The following MCM10 variants were observed in gnomAD, a reference collection of about 807,000 sequenced individuals.
The protein encoded by MCM10 is protein MCM10 homolog.
A neutral mutation model predicts 109.9 loss-of-function variants in MCM10; 91 were observed. The ratio of observed to expected loss-of-function variants is 0.83; its 90% CI spans 0.70 to 0.99. The LOEUF (loss-of-function observed/expected upper bound fraction) is 0.99. MCM10 is among the 50% of genes least tolerant of loss of function. The pLI, the probability that MCM10 is intolerant of heterozygous loss-of-function variation, is 0.00. For synonymous variants in MCM10, 380 were observed against 387.2 expected, an observed-to-expected ratio of 0.98 and a Z score of 0.22; for missense variants, 1,077 against 1,061.2, an observed-to-expected ratio of 1.01 and a Z score of -0.21.
At chr10:13,166,687 T>TATATATATATAG (rs1470717727) in intron 2 of MCM10, among the ~76,000 whole-genome samples, 1 of 137,900 alleles carries the variant, frequency 7.3e-6, no homozygotes, top group African/African-American at 2.8e-5. Context: ...TATATATATA[T>TATATATATATAG]ATCATCAGCT....
Position 13,186,071 on chromosome 10 carries a change from T to G in MCM10, c.1099-93T>G, listed in dbSNP as rs1214892544. The G allele has an allele frequency of 5.4e-6, 4 of 738,464 alleles. No homozygotes were observed. The East Asian group carries it at 1.1e-4, about 20-fold the overall frequency. 45.7% of individuals were successfully genotyped at this position (738,464 alleles called of 1,614,324 possible). On this transcript the variant is annotated intron_variant, in intron 8 of 19. Transcript: ENST00000378714. The stretch of plus-strand genomic sequence containing the variant: ...GCCACTGCGCCTGGCAATAACCTTC[T>G]TAAATCAGCACCAACCATTCTTTTT...
rs376237963 is a variant in MCM10 at position 13,210,830 on chromosome 10, C to T, written c.*1520C>T. 58 of 152,206 alleles carry T rather than the reference C, an allele frequency of 3.8e-4. No individual in the cohort carries two copies. Among genetic ancestry groups the T allele is most frequent in the African/African-American group, 1.3e-3 (56 of 41,522 alleles). The allele number at this position is 152,206 out of a possible 1,614,324, so 9.4% of individuals were successfully genotyped here. ...CTTGAAACTGATGTTTTTAATGGCT[C>T]ATTTAGGGTAGATTTATTTATCTCA... On this transcript the variant is annotated 3_prime_UTR_variant, in exon 20 of 20. Transcript: ENST00000378714.
chr10:13,204,265 A>C lies in MCM10; in HGVS notation c.2399A>C (p.Gln800Pro). 1.2e-6 allele frequency: 2 copies of C among 1,614,222 alleles called. No individual in the cohort carries two copies. Among genetic ancestry groups the C allele is most frequent in the Non-Finnish European group, 1.7e-6 (2 of 1,180,028 alleles). The change falls in exon 18 of 20, where the codon CAG becomes CCG. Residue 800 changes from glutamine (Q) to proline (P), a missense_variant. By Grantham distance (76) the Gln-to-Pro change is moderately conservative. Transcript: ENST00000378714. ...FKLLETCVSE[Q>P]HEYHWHDGVK... ...CTGCTGGAGACCTGCGTCAGTGAGC[A>C]GCATGAATACCACTGGCATGATGGT...
At chr10:13,166,649 A>AC (rs1554773845) in intron 2 of MCM10, among the ~76,000 whole-genome samples, 11 of 41,508 alleles carry the variant, frequency 2.7e-4, no homozygotes, top group African/African-American at 8.5e-4. Context: ...AAAAAAAAAA[A>AC]ATACATACAT....
chr10:13,200,512 A>C (rs918448771), intron 16 of MCM10, among the ~76,000 whole-genome samples: 5 of 152,234 alleles, frequency 3.3e-5, no homozygotes, highest in African/African-American at 1.2e-4. Context: ...GTTCTGCATC[A>C]TATCTTTTCA....
At chr10:13,197,552 AG>A in intron 14 of MCM10, 70 bp from the exon 15 acceptor site, 1 of 1,406,146 alleles carries the variant, frequency 7.1e-7, no homozygotes, top group Non-Finnish European at 9.8e-7. Context: ...CTAATAAAAA[AG>A]GGATCCAGGT....
intron 6 of MCM10, among the ~76,000 whole-genome samples, chr10:13,177,197 CAAAAGCTTCTGAG>C (rs778091476): frequency 3.4e-4 from 52 of 152,312 alleles, no homozygotes; most frequent in Non-Finnish European, 6.8e-4. Context: ...AACTACTCAG[CAAAAGCTTCTGAG>C]TGGCTTTTAA....
chr10:13,182,956 A>G lies in MCM10; in HGVS notation c.954A>G (p.Lys318=). Residue 318 remains lysine, a synonymous_variant, in exon 8 of 20, where the codon AAA becomes AAG. Coordinates refer to ENST00000378714, the MANE Select transcript of MCM10 (RefSeq NM_018518.5). The surrounding 1 kb of genome is among the most constrained non-coding windows in gnomAD (Gnocchi z 4.2). ...AGGGAAAAACCTTCAGCATATGGAA[A>G]CTGAATGATCTTCGTGACCTGACAC... The part of the protein sequence containing the change: ...VNSGKTFSIW[K]LNDLRDLTQC... 1 of 1,613,930 alleles carries G rather than the reference A, an allele frequency of 6.2e-7. No homozygotes were observed. The highest frequency in any genetic ancestry group is 8.5e-7 in the Non-Finnish European group (1 of 1,179,906).
At chr10:13,173,300 G>A (rs1564382322) in intron 5 of MCM10, among the ~76,000 whole-genome samples, 4 of 152,076 alleles carry the variant, frequency 2.6e-5, no homozygotes, top group African/African-American at 7.2e-5. Flanking sequence ...TACCTGGACT[G>A]TAGTAAGTAA....
chr10:13,195,036 T>C lies in MCM10; in HGVS notation c.1746-5T>C, dbSNP rs749286152. The C allele has an allele frequency of 1.2e-6, 2 of 1,611,786 alleles. No individual in the cohort carries two copies. Reference sequence around the variant, plus strand: ...TTGCGTATTTTGACTGTATGTTCTTTAAAGATTTCTGCAGAGCTCAAGTGA... The same window carrying C: ...TTGCGTATTTTGACTGTATGTTCTTCAAAGATTTCTGCAGAGCTCAAGTGA... On this transcript the variant is annotated splice_polypyrimidine_tract_variant and splice_region_variant and intron_variant, in intron 13 of 19. Transcript: ENST00000378714.
At chr10:13,164,825 G>A (rs770945057) in intron 2 of MCM10, among the ~76,000 whole-genome samples, 5 of 152,082 alleles carry the variant, frequency 3.3e-5, no homozygotes, top group Admixed American at 6.5e-5. Context: ...TTGGGAGGCC[G>A]GGGTGGGAGG....
intron 6 of MCM10, among the ~76,000 whole-genome samples, chr10:13,177,554 GA>G (rs1455266931): frequency 8.3e-6 from 1 of 120,218 alleles, no homozygotes; most frequent in African/African-American, 3.3e-5. Context: ...CATTGTTACA[GA>G]AAAAACCCTG....
At chr10:13,168,541 A>G (rs1232301291) in intron 2 of MCM10, among the ~76,000 whole-genome samples, 1 of 50,654 alleles carries the variant, frequency 2.0e-5, no homozygotes, top group Non-Finnish European at 7.4e-5. Flanking sequence ...TAGGTCAGAT[A>G]TCCTTAATAT....
In MCM10 at chr10:13,195,273, A is replaced by G; in HGVS notation, c.1974+4A>G. 1.3e-6 allele frequency: 2 copies of G among 1,583,784 alleles called. No individual in the cohort carries two copies. Among genetic ancestry groups the G allele is most frequent in the East Asian group, 2.3e-5 (1 of 44,084 alleles). ...TGCTTTAGCAGAAGCCAAAAAGGTA[A>G]CTGGCATCTCTTCTCTTTAGCACTT... On this transcript the variant is annotated splice_donor_region_variant and intron_variant, in intron 14 of 19. Coordinates refer to ENST00000378714, the MANE Select transcript of MCM10 (RefSeq NM_018518.5).
At chr10:13,177,554 G>GA (rs1455266931) in intron 6 of MCM10, among the ~76,000 whole-genome samples, 1 of 120,218 alleles carries the variant, frequency 8.3e-6, no homozygotes, top group Non-Finnish European at 1.6e-5. Flanking sequence ...CATTGTTACA[G>GA]AAAAAACCCT....
At chr10:13,186,007 C>T (rs1834269891) in intron 8 of MCM10, among the ~76,000 whole-genome samples, 157 bp from the exon 9 acceptor site, 1 of 152,210 alleles carries the variant, frequency 6.6e-6, no homozygotes, top group Non-Finnish European at 1.5e-5. Flanking sequence ...AGCGATCCAC[C>T]TGCCTCGGCC....
intron 13 of MCM10, among the ~76,000 whole-genome samples, chr10:13,193,928 G>T (rs1050211233): frequency 6.6e-6 from 1 of 152,148 alleles, no homozygotes; most frequent in African/African-American, 2.4e-5. Context: ...TGTGCGGTTG[G>T]GAAGAGTACT....
chr10:13,163,595 C>A (rs200064396), intron 1 of MCM10, among the ~76,000 whole-genome samples: 1 of 151,988 alleles, frequency 6.6e-6, no homozygotes, highest in Non-Finnish European at 1.5e-5. Flanking sequence ...TAAGTAGAAT[C>A]ATACAGTAAG....
Position 13,180,443 on chromosome 10 carries a change from C to A in MCM10, c.766C>A (p.Arg256=). 6.2e-7 allele frequency: 1 copy of A among 1,606,378 alleles called. No individual in the cohort carries two copies. Among genetic ancestry groups the A allele is most frequent in the Non-Finnish European group, 8.5e-7 (1 of 1,177,084 alleles). ...CTAATCGCTGGTTTCTTAACCCAGG[C>A]GGCCTCGAGTATCCTCCACAGAAAT... ...VEAFSGLRLR[R]PRVSSTEMNK... The change falls in exon 7 of 20, where the codon CGG becomes AGG. Residue 256 remains arginine, a splice_region_variant and synonymous_variant. Transcript: ENST00000378714.
Sources: gnomAD v4.1 joint callset for allele counts (sites outside exome capture counted in the v4.1 genomes callset) on GRCh38, gnomAD v4.1.1 for gene constraint, Gnocchi (gnomAD v3.1) non-coding constraint, MANE v1.5 for transcripts, NCBI Gene and HGNC (gene_info 2026-07-23, HGNC 2026-07-21) for gene names.